CCDC87: variants seen among roughly 807,000 people sequenced by gnomAD.
CCDC87 encodes the protein coiled-coil domain containing 87.
For synonymous variants in CCDC87, 434 were observed against 440.2 expected (o/e 0.99, Z 0.18); for missense variants, 1,072 against 1,041.7 (o/e 1.03, Z -0.40).
In CCDC87 at chr11:66,591,262, A is replaced by C; in HGVS notation, c.1754T>G (p.Met585Arg). Reference protein sequence around the residue: ...WEKWSNKASLMNSWKTTLSVD... With the variant: ...WEKWSNKASLRNSWKTTLSVD... ...AGACAAGGTGGTTTTCCATGAGTTC[A>C]TCAAGGAGGCCTTGTTTGACCACTT... The change falls in exon 1 of 1, where the codon ATG becomes AGG. Residue 585 changes from methionine to arginine, a missense_variant. Transcript: ENST00000333861. The C allele has an allele frequency of 6.2e-7, 1 of 1,614,240 alleles. No individual in the cohort carries two copies. Among genetic ancestry groups the C allele is most frequent in the Non-Finnish European group, 8.5e-7 (1 of 1,180,040 alleles).
rs538810937 is a variant in CCDC87 at position 66,591,403 on chromosome 11, G to A, written c.1613C>T (p.Pro538Leu). ...SSAFLRQEKQ[P>L]QIINPELVGL... ...AACCAGCTCAGGGTTGATGATTTGA[G>A]GCTGTTTTTCTTGACGTAGAAAGGC... Residue 538 changes from proline (P) to leucine (L), a missense_variant, in exon 1 of 1, where the codon CCT becomes CTT. Physicochemically the swap from Pro to Leu is moderately conservative, Grantham distance 98. Coordinates refer to ENST00000333861, the MANE Select transcript of CCDC87 (RefSeq NM_018219.3). The A allele has an allele frequency of 1.9e-5, 30 of 1,614,166 alleles. No homozygotes were observed. The Admixed American group carries it at 2.0e-4, about 11-fold the overall frequency.
At position 66,592,377 on chromosome 11, in the gene CCDC87, G is replaced by C; in HGVS notation, c.639C>G (p.His213Gln). 6.2e-7 allele frequency: 1 copy of C among 1,614,194 alleles called. No homozygotes were observed. The highest frequency in any genetic ancestry group is 8.5e-7 in the Non-Finnish European group (1 of 1,180,036). ...TFKLCPIPWP[H>Q]STGFAQVQCS... ...ACTGCACTTGGGCGAAGCCAGTGCTGTGAGGCCAGGGGATAGGGCACAGCT... is the reference window on the plus strand; with the variant it reads ...ACTGCACTTGGGCGAAGCCAGTGCTCTGAGGCCAGGGGATAGGGCACAGCT... Residue 213 changes from histidine (H) to glutamine (Q), a missense_variant, in exon 1 of 1, where the codon CAC (histidine) becomes CAG (glutamine). Transcript: ENST00000333861.
rs778905311 is a variant in CCDC87 at position 66,591,022 on chromosome 11, G to T, written c.1994C>A (p.Ala665Asp). Reference protein sequence around the residue: ...WNTVLEHRLGAGKTPHLGEPH... With the variant: ...WNTVLEHRLGDGKTPHLGEPH... Reference sequence around the variant, plus strand: ...TTCTCCCAGGTGGGGTGTCTTCCCAGCTCCTAGCCTGTGCTCTAGCACAGT... The same window carrying T: ...TTCTCCCAGGTGGGGTGTCTTCCCATCTCCTAGCCTGTGCTCTAGCACAGT... Residue 665 changes from alanine (A) to aspartate (D), a missense_variant, in exon 1 of 1, where the codon GCT (alanine) becomes GAT (aspartate). Physicochemically the swap from Ala to Asp is moderately radical, Grantham distance 126 (BLOSUM62 -2). Coordinates refer to ENST00000333861, the MANE Select transcript of CCDC87 (RefSeq NM_018219.3). 1 of 1,614,094 alleles carries T rather than the reference G, an allele frequency of 6.2e-7. No homozygotes were observed. The highest frequency in any genetic ancestry group is 8.5e-7 in the Non-Finnish European group (1 of 1,180,036).
Position 66,592,606 on chromosome 11 carries a change from G to T in CCDC87, c.410C>A (p.Thr137Asn), listed in dbSNP as rs1480212306. Residue 137 changes from threonine (T) to asparagine (N), a missense_variant, in exon 1 of 1, where the codon ACC becomes AAC. Coordinates refer to ENST00000333861, the MANE Select transcript of CCDC87 (RefSeq NM_018219.3). ...LFLRYLHLLVTMSTPRGVFTE... is the reference protein window; with the variant it reads ...LFLRYLHLLVNMSTPRGVFTE... Reference sequence around the variant, plus strand: ...GAAGACCCCCCTGGGAGTCGACATGGTCACCAGCAGGTGCAGGTAGCGCAA... The same window carrying T: ...GAAGACCCCCCTGGGAGTCGACATGTTCACCAGCAGGTGCAGGTAGCGCAA... 1 of 1,613,744 alleles carries T rather than the reference G, an allele frequency of 6.2e-7. No homozygotes were observed. Among genetic ancestry groups the T allele is most frequent in the Non-Finnish European group, 8.5e-7 (1 of 1,180,012 alleles).
Position 66,593,027 on chromosome 11 carries a change from C to T in CCDC87, c.-12G>A. The T allele has an allele frequency of 6.6e-7, 1 of 1,506,212 alleles. No individual in the cohort carries two copies. The highest frequency in any genetic ancestry group is 2.3e-5 in the East Asian group (1 of 43,338). The allele number at this position is 1,506,212 out of a possible 1,614,324, so 93.3% of individuals were successfully genotyped here. A position where few individuals can be genotyped will look rare whatever the true frequency, so the allele number is the denominator to read the frequency against. On this transcript the variant is annotated 5_prime_UTR_variant, in exon 1 of 1. Transcript: ENST00000333861. ...GGGGGCTCCATCATAGAGCCGGCGG[C>T]CGCCACCGTCCAGGAACAGAAAGCC...
chr11:66,591,698 C>A lies in CCDC87; in HGVS notation c.1318G>T (p.Val440Leu). ...ACCCGTACGGCAGCCGCCTGGACCA[C>A]GACCTCATTTCTAAGCTTCAAAGTA... Reference protein sequence around the residue: ...TITLKLRNEVVVQAAAVRVSD... With the variant: ...TITLKLRNEVLVQAAAVRVSD... Residue 440 changes from valine (V) to leucine (L), a missense_variant, in exon 1 of 1, where the codon GTG (valine) becomes TTG (leucine). Physicochemically the swap from Val to Leu is conservative, Grantham distance 32. Coordinates refer to ENST00000333861, the MANE Select transcript of CCDC87 (RefSeq NM_018219.3). The A allele has an allele frequency of 6.2e-7, 1 of 1,613,602 alleles. No homozygotes were observed. The highest frequency in any genetic ancestry group is 2.2e-5 in the East Asian group (1 of 44,886).
In CCDC87 at chr11:66,590,767, C is replaced by G. The variant is rs139236813; in HGVS notation, c.2249G>C (p.Arg750Pro). ...WFEGQASNPNRFFKKTNLSSS... is the reference protein window; with the variant it reads ...WFEGQASNPNPFFKKTNLSSS... ...GCTCAAGTTGGTCTTTTTGAAGAAG[C>G]GGTTGGGATTGGAAGCTTGTCCCTC... Residue 750 changes from arginine to proline, a missense_variant, in exon 1 of 1, where the codon CGC (arginine) becomes CCC (proline). Transcript: ENST00000333861. The G allele has an allele frequency of 3.7e-6, 6 of 1,612,608 alleles. No individual in the cohort carries two copies. Among genetic ancestry groups the G allele is most frequent in the Non-Finnish European group, 5.1e-6 (6 of 1,180,046 alleles).
chr11:66,592,455 C>T lies in CCDC87; in HGVS notation c.561G>A (p.Gln187=), dbSNP rs761694573. ...ADFQALLRAE[Q]ASGDVDKLHP... ...GCAGCTTGTCCACATCCCCAGAGGC[C>T]TGCTCTGCCCTCAGCAGGGCCTGGA... The change falls in exon 1 of 1, where the codon CAG becomes CAA. Residue 187 remains glutamine (Q), a synonymous_variant. Transcript: ENST00000333861. 1.2e-6 allele frequency: 2 copies of T among 1,613,916 alleles called. No homozygotes were observed. The highest frequency in any genetic ancestry group is 4.5e-5 in the East Asian group (2 of 44,868).
chr11:66,592,096 C>T lies in CCDC87; in HGVS notation c.920G>A (p.Arg307Gln), dbSNP rs761906517. 2.6e-5 allele frequency: 41 copies of T among 1,597,418 alleles called. No individual in the cohort carries two copies. The highest frequency in any genetic ancestry group is 2.2e-4 in the East Asian group (10 of 44,784). ...CAGGGAGGGCATGGATTGGCCTCTC[C>T]GGAGCTCAGGGCAGAAAGGCGAGGG... Reference protein sequence around the residue: ...ASPSPFCPELRRGQSMPSLRE... With the variant: ...ASPSPFCPELQRGQSMPSLRE... The change falls in exon 1 of 1, where the codon CGG becomes CAG. Residue 307 changes from arginine (R) to glutamine (Q), a missense_variant. Physicochemically the swap from Arg to Gln is conservative, Grantham distance 43 (BLOSUM62 1). Transcript: ENST00000333861.
rs1426589685 is a variant in CCDC87, at chr11:66,591,205, T to C, written c.1811A>G (p.His604Arg). 1 of 1,614,144 alleles carries C rather than the reference T, an allele frequency of 6.2e-7. No individual in the cohort carries two copies. Among genetic ancestry groups the C allele is most frequent in the Non-Finnish European group, 8.5e-7 (1 of 1,180,056 alleles). The stretch of plus-strand genomic sequence containing the variant: ...GATGACATGAAGGAAATCTGTTTCA[T>C]GGTTGGTGAGGTACTTGAAGTAGTC... ...VDDYFKYLTN[H>R]ETDFLHVIFQ... is the part of the protein sequence containing the mutation. The change falls in exon 1 of 1, where the codon CAT (histidine) becomes CGT (arginine). Residue 604 changes from histidine (H) to arginine (R), a missense_variant. By Grantham distance (29) the His-to-Arg change is conservative. Transcript: ENST00000333861.
chr11:66,592,325 T>A lies in CCDC87; in HGVS notation c.691A>T (p.Ile231Phe). 6.2e-7 allele frequency: 1 copy of A among 1,614,126 alleles called. No homozygotes were observed. The highest frequency in any genetic ancestry group is 8.5e-7 in the Non-Finnish European group (1 of 1,179,990). The part of the protein sequence containing the change: ...QCSNLNLNYL[I>F]QLSRPPEFLN... The stretch of plus-strand genomic sequence containing the variant: ...AACTCTGGTGGACGGCTGAGTTGGA[T>A]GAGGTAGTTCAGGTTGAGGTTAGAG... The change falls in exon 1 of 1, where the codon ATC (isoleucine) becomes TTC (phenylalanine). Residue 231 changes from isoleucine (I) to phenylalanine (F), a missense_variant. Transcript: ENST00000333861.
In CCDC87 at chr11:66,590,790, C is replaced by T; in HGVS notation, c.2226G>A (p.Glu742=). ...AGCGGTTGGGATTGGAAGCTTGTCC[C>T]TCAAACCACTCTAGTCTCGCCAGCA... The part of the protein sequence containing the change: ...EALLARLEWF[E]GQASNPNRFF... The change falls in exon 1 of 1, where the codon GAG becomes GAA. Residue 742 remains glutamate, a synonymous_variant. Coordinates refer to ENST00000333861, the MANE Select transcript of CCDC87 (RefSeq NM_018219.3). The T allele has an allele frequency of 3.1e-6, 5 of 1,612,938 alleles. No individual in the cohort carries two copies. Among genetic ancestry groups the T allele is most frequent in the Non-Finnish European group, 4.2e-6 (5 of 1,180,044 alleles).
At position 66,592,466 on chromosome 11, in the gene CCDC87, T is replaced by G; in HGVS notation, c.550A>C (p.Arg184=). 1.9e-6 allele frequency: 3 copies of G among 1,613,832 alleles called. No homozygotes were observed. Among genetic ancestry groups the G allele is most frequent in the Non-Finnish European group, 2.5e-6 (3 of 1,180,000 alleles). The change falls in exon 1 of 1, where the codon AGG becomes CGG. Residue 184 remains arginine, a synonymous_variant. Coordinates refer to ENST00000333861, the MANE Select transcript of CCDC87 (RefSeq NM_018219.3). ...GLLADFQALL[R]AEQASGDVDK... is the part of the protein sequence containing the mutation. The stretch of plus-strand genomic sequence containing the variant: ...ACATCCCCAGAGGCCTGCTCTGCCC[T>G]CAGCAGGGCCTGGAAGTCGGCAAGC...
chr11:66,590,604 G>T lies in CCDC87; in HGVS notation c.2412C>A (p.Pro804=). 2 of 1,614,212 alleles carry T rather than the reference G, an allele frequency of 1.2e-6. No individual in the cohort carries two copies. The highest frequency in any genetic ancestry group is 1.7e-6 in the Non-Finnish European group (2 of 1,180,050). ...FGEPVIFKGR[P]YLDKMKSDKV... ...TGTCACTCTTCATCTTGTCCAGGTAGGGCCGCCCCTTGAAGATCACTGGCT... is the reference window on the plus strand; with the variant it reads ...TGTCACTCTTCATCTTGTCCAGGTATGGCCGCCCCTTGAAGATCACTGGCT... The change falls in exon 1 of 1, where the codon CCC becomes CCA. Residue 804 remains proline (P), a synonymous_variant. Transcript: ENST00000333861.
chr11:66,590,554 T>G lies in CCDC87; in HGVS notation c.2462A>C (p.Gln821Pro). 6.2e-7 allele frequency: 1 copy of G among 1,614,218 alleles called. No homozygotes were observed. The highest frequency in any genetic ancestry group is 1.1e-5 in the South Asian group (1 of 91,086). Residue 821 changes from glutamine (Q) to proline (P), a missense_variant, in exon 1 of 1, where the codon CAA becomes CCA. Transcript: ENST00000333861. ...SDKVEMLYWL[Q>P]QQRRVRHLVS... ...CAGGTGGCGAACCCGCCGCTGCTGT[T>G]GCAGCCAATAGAGCATCTCCACTTT... is the stretch of plus-strand genomic sequence containing the variant.
chr11:66,591,417 A>G lies in CCDC87; in HGVS notation c.1599T>C (p.Arg533=), dbSNP rs1858354209. The change falls in exon 1 of 1, where the codon CGT becomes CGC. Residue 533 remains arginine (R), a synonymous_variant. Coordinates refer to ENST00000333861, the MANE Select transcript of CCDC87 (RefSeq NM_018219.3). ...TGATGATTTGAGGCTGTTTTTCTTG[A>G]CGTAGAAAGGCTGAGGACAGGAAGG... ...WSTFLSSAFL[R]QEKQPQIINP... The G allele has an allele frequency of 2.5e-6, 4 of 1,613,938 alleles. No homozygotes were observed. Among genetic ancestry groups the G allele is most frequent in the Non-Finnish European group, 3.4e-6 (4 of 1,180,026 alleles).
chr11:66,591,695 C>T lies in CCDC87; in HGVS notation c.1321G>A (p.Val441Ile). ...ITLKLRNEVV[V>I]QAAAVRVSDR... ...GAGACCCGTACGGCAGCCGCCTGGA[C>T]CACGACCTCATTTCTAAGCTTCAAA... Residue 441 changes from valine (V) to isoleucine (I), a missense_variant, in exon 1 of 1, where the codon GTC (valine) becomes ATC (isoleucine). By Grantham distance (29) the Val-to-Ile change is conservative. Coordinates refer to ENST00000333861, the MANE Select transcript of CCDC87 (RefSeq NM_018219.3). 1 of 1,613,634 alleles carries T rather than the reference C, an allele frequency of 6.2e-7. No individual in the cohort carries two copies.
Position 66,590,635 on chromosome 11 carries a change from A to C in CCDC87, c.2381T>G (p.Phe794Cys). 1.2e-6 allele frequency: 2 copies of C among 1,614,224 alleles called. No homozygotes were observed. The highest frequency in any genetic ancestry group is 1.7e-6 in the Non-Finnish European group (2 of 1,180,048). Reference protein sequence around the residue: ...VSLLEEIELIFGEPVIFKGRP... With the variant: ...VSLLEEIELICGEPVIFKGRP... ...CCCCTTGAAGATCACTGGCTCGCCA[A>C]AGATTAACTCTATCTCCTCCAGGAG... The change falls in exon 1 of 1, where the codon TTT (phenylalanine) becomes TGT (cysteine). Residue 794 changes from phenylalanine to cysteine, a missense_variant. By Grantham distance (205) the Phe-to-Cys change is radical. Transcript: ENST00000333861.
chr11:66,591,472 A>T lies in CCDC87; in HGVS notation c.1544T>A (p.Val515Asp), dbSNP rs771173697. The T allele has an allele frequency of 6.2e-7, 1 of 1,614,132 alleles. No homozygotes were observed. Among genetic ancestry groups the T allele is most frequent in the Non-Finnish European group, 8.5e-7 (1 of 1,180,022 alleles). The change falls in exon 1 of 1, where the codon GTT (valine) becomes GAT (aspartate). Residue 515 changes from valine (V) to aspartate (D), a missense_variant. Physicochemically the swap from Val to Asp is radical, Grantham distance 152. Coordinates refer to ENST00000333861, the MANE Select transcript of CCDC87 (RefSeq NM_018219.3). ...CCAGTCTTTATCTGCTGCAGGCTCA[A>T]CTAGGGGCCCTTGATCAAAATGTAA... ...DHLHFDQGPL[V>D]EPAADKDWST...
Sources: gnomAD v4.1 joint callset for allele counts on GRCh38, gnomAD v4.1.1 for gene constraint, MANE v1.5 for transcripts, NCBI Gene and HGNC (gene_info 2026-07-23, HGNC 2026-07-21) for gene names.